The following DFFB variants were observed in gnomAD, a reference collection of about 807,000 sequenced individuals.
The protein encoded by DFFB is DNA fragmentation factor 40 kDa subunit.
Under a neutral mutation model 32.7 loss-of-function variants are expected in DFFB, and 29 were observed. That is an observed-to-expected ratio of 0.89 (90% CI 0.66 to 1.21). The LOEUF is 1.21. Ranked by LOEUF, DFFB falls within the 50% of genes most tolerant of loss-of-function variation. The pLI is 0.00. For synonymous variants in DFFB, 170 were observed against 177.1 expected, an observed-to-expected ratio of 0.96 and a Z score of 0.32; for missense variants, 398 against 440.6, an observed-to-expected ratio of 0.90 and a Z score of 0.87.
chr1:3,880,886 A>T, intron 6 of DFFB, among the ~76,000 whole-genome samples: 1 of 152,074 alleles, frequency 6.6e-6, no homozygotes, highest in Non-Finnish European at 1.5e-5. Flanking sequence ...TTTCCCTGTG[A>T]CTTGGAAGCA....
intron 2 of DFFB, 134 bp downstream of exon 2, chr1:3,858,978 C>G: frequency 7.5e-7 from 1 of 1,341,596 alleles, no homozygotes; most frequent in Non-Finnish European, 1.0e-6. Flanking sequence ...GGAGGAAGCC[C>G]TCTGGAGGCA....
rs749176680 is a variant in DFFB, at chr1:3,857,678, C to T, written c.75C>T (p.Ser25=). 5.0e-6 allele frequency: 8 copies of T among 1,591,558 alleles called. No individual in the cohort carries two copies. The highest frequency in any genetic ancestry group is 3.5e-5 in the Admixed American group (2 of 57,336). ...SPRKFGVAGR[S]CQEVLRKGCL... ...GGAAGTTCGGCGTGGCTGGCCGGAG[C>T]TGCCAGGAGGTGCTGCGCAAGGGCT... is the stretch of plus-strand genomic sequence containing the variant. The change falls in exon 1 of 7, where the codon AGC becomes AGT. Residue 25 remains serine, a synonymous_variant. Coordinates refer to ENST00000378209, the MANE Select transcript of DFFB (RefSeq NM_004402.4).
chr1:3,869,871 T>A, intron 5 of DFFB, 96 bp downstream of exon 5: 1 of 1,310,824 alleles, frequency 7.6e-7, no homozygotes, highest in Non-Finnish European at 1.0e-6. Flanking sequence ...GCCCTTGCCC[T>A]GCCTGGGCAA....
Position 3,865,050 on chromosome 1 carries a change from T to C in DFFB, c.242-762T>C, listed in dbSNP as rs114906102. 0.01 allele frequency among the ~76,000 whole-genome samples: 1,494 copies of C among 149,032 alleles called. 23 individuals are homozygous for C. Among genetic ancestry groups the C allele is most frequent in the African/African-American group, 0.035 (1,406 of 40,470 alleles). On this transcript the variant is annotated intron_variant, in intron 2 of 6. Coordinates refer to ENST00000378209, the MANE Select transcript of DFFB (RefSeq NM_004402.4). This position sits in a 1 kb window ranked among gnomAD's most constrained non-coding sequence, Gnocchi z 4.7. ...ATGTGGTTTGCAAATATTTACCCTG[T>C]GGCTTTTCATTCTCTTAAGAGCATT...
chr1:3,868,641 CA>C (rs1406780252), intron 4 of DFFB, among the ~76,000 whole-genome samples: 3 of 151,800 alleles, frequency 2.0e-5, no homozygotes, highest in South Asian at 2.1e-4. Context: ...CACACCACAC[CA>C]AGCCACACCA....
intron 2 of DFFB, among the ~76,000 whole-genome samples, chr1:3,862,720 GT>G (rs1312067433): frequency 6.6e-6 from 1 of 152,160 alleles, no homozygotes; most frequent in Admixed American, 6.6e-5. Context: ...AAATGTAAAA[GT>G]TAAAAATATA....
chr1:3,865,629 T>A lies in DFFB; in HGVS notation c.242-183T>A. ...CTCCTCTGTCCTCATGCCGCCCTTGTGCGTGGTCCCCAGCTGTTGGTGTCA... is the reference window on the plus strand; with the variant it reads ...CTCCTCTGTCCTCATGCCGCCCTTGAGCGTGGTCCCCAGCTGTTGGTGTCA... On this transcript the variant is annotated intron_variant, in intron 2 of 6. Coordinates refer to ENST00000378209, the MANE Select transcript of DFFB (RefSeq NM_004402.4). The surrounding 1 kb of genome is among the most constrained non-coding windows in gnomAD (Gnocchi z 4.7). 1.2e-6 allele frequency: 1 copy of A among 862,004 alleles called. No homozygotes were observed. The highest frequency in any genetic ancestry group is 1.4e-5 in the South Asian group (1 of 71,678). 53.4% of individuals were successfully genotyped at this position (862,004 alleles called of 1,614,324 possible).
At chr1:3,879,004 G>A (rs1403876625) in intron 6 of DFFB, among the ~76,000 whole-genome samples, 1 of 152,146 alleles carries the variant, frequency 6.6e-6, no homozygotes, top group African/African-American at 2.4e-5. Context: ...CTGAATTCTA[G>A]GATGACAGAT....
intron 3 of DFFB, chr1:3,867,563 T>TC: frequency 5.9e-6 from 1 of 170,288 alleles, no homozygotes; most frequent in Non-Finnish European, 1.3e-5. Flanking sequence ...CTCAAGATGA[T>TC]GCAATCTGGC....
At position 3,857,691 on chromosome 1, in the gene DFFB, C is replaced by T; in HGVS notation, c.88C>T (p.Leu30=). Residue 30 remains leucine (L), a synonymous_variant, in exon 1 of 7, where the codon CTG becomes TTG. Transcript: ENST00000378209. ...GGCTGGCCGGAGCTGCCAGGAGGTG[C>T]TGCGCAAGGGCTGTCTCCGCTTCCA... ...GVAGRSCQEV[L]RKGCLRFQLP... is the part of the protein sequence containing the mutation. 1.3e-6 allele frequency: 2 copies of T among 1,575,438 alleles called. No homozygotes were observed. The highest frequency in any genetic ancestry group is 1.4e-5 in the African/African-American group (1 of 73,554).
In DFFB at chr1:3,883,995, C is replaced by CGGCTCAG. The variant is rs1273053246; in HGVS notation, c.*255_*261dup. The CGGCTCAG allele has an allele frequency of 1.3e-5, 6 of 457,440 alleles. No individual in the cohort carries two copies. The highest frequency in any genetic ancestry group is 2.4e-5 in the Non-Finnish European group (6 of 252,852). 28.3% of individuals were successfully genotyped at this position (457,440 alleles called of 1,614,324 possible). On this transcript the variant is annotated 3_prime_UTR_variant, in exon 7 of 7. Transcript: ENST00000378209. ...AGGCTGGAGTGTAGTGGCGCGATCT[C>CGGCTCAG]GGCTCAGCCTCCCGAGTAGCTGGGA...
chr1:3,868,659 G>GCCACACCACA (rs565199748), intron 4 of DFFB, among the ~76,000 whole-genome samples: 7 of 10,972 alleles, frequency 6.4e-4, no homozygotes, highest in African/African-American at 3.4e-3. Flanking sequence ...ACCACACCAG[G>GCCACACCACA]CCACACCACA....
rs1340570270 is a variant in DFFB at position 3,868,668 on chromosome 1, C to CACCAT, written c.510+619_510+620insTACCA. ...AGCCACACCACACCAGGCCACACCA[C>CACCAT]ACCACACCACGCCACACCACACCAG... On this transcript the variant is annotated intron_variant, in intron 4 of 6. Transcript: ENST00000378209. Among the ~76,000 whole-genome samples, 260 of 150,626 alleles carry CACCAT rather than the reference C, an allele frequency of 1.7e-3. 10 individuals are homozygous for CACCAT. The highest frequency in any genetic ancestry group is 4.1e-3 in the East Asian group (21 of 5,118).
intron 6 of DFFB, 74 bp from the exon 7 acceptor site, chr1:3,883,433 G>A (rs1570952956): frequency 7.4e-7 from 1 of 1,353,778 alleles, no homozygotes; most frequent in Non-Finnish European, 1.0e-6. Context: ...AGCTGTGACT[G>A]CAATACACTG....
intron 2 of DFFB, among the ~76,000 whole-genome samples, chr1:3,864,901 G>T (rs1644946202): frequency 6.6e-6 from 1 of 152,130 alleles, no homozygotes; most frequent in Admixed American, 6.5e-5. Context: ...CCTTGGTGAA[G>T]TGTTTCTTCC....
chr1:3,867,688 A>T (rs1390215135), intron 3 of DFFB: 2 of 350,062 alleles, frequency 5.7e-6, no homozygotes, highest in Non-Finnish European at 1.1e-5. Context: ...CCTCATCTCT[A>T]AAAACATTTA....
At chr1:3,881,114 T>C (rs12029890) in intron 6 of DFFB, among the ~76,000 whole-genome samples, 27,310 of 152,172 alleles carry the variant, frequency 0.18, 2,493 homozygotes, top group African/African-American at 0.21. Flanking sequence ...GGCCTGCTTG[T>C]GTGGGGGACT....
chr1:3,865,554 C>T lies in DFFB; in HGVS notation c.242-258C>T, dbSNP rs142489890. ...GGAGGAGGCCAAATGGGAAAGCGGC[C>T]GTCTCTTGGTGCGCTTTCATCTGTC... On this transcript the variant is annotated intron_variant, in intron 2 of 6. Coordinates refer to ENST00000378209, the MANE Select transcript of DFFB (RefSeq NM_004402.4). This position sits in a 1 kb window ranked among gnomAD's most constrained non-coding sequence, Gnocchi z 4.7. The T allele has an allele frequency of 6.2e-5, 37 of 597,410 alleles. No homozygotes were observed. The highest frequency in any genetic ancestry group is 5.0e-4 in the African/African-American group (27 of 53,896). The allele number at this position is 597,410 out of a possible 1,614,324, so 37.0% of individuals were successfully genotyped here.
Position 3,867,675 on chromosome 1 carries a change from A to G in DFFB, c.431-299A>G, listed in dbSNP as rs957287277. The G allele has an allele frequency of 1.2e-5, 4 of 329,752 alleles. No homozygotes were observed. In the Admixed American group the frequency reaches 1.7e-4, roughly 14 times the overall value. 20.4% of individuals were successfully genotyped at this position (329,752 alleles called of 1,614,324 possible). Reference sequence around the variant, plus strand: ...CAAGATCAGCCTAGGTAACAAAGTGAGACCTCATCTCTAAAAACATTTAAA... The same window carrying G: ...CAAGATCAGCCTAGGTAACAAAGTGGGACCTCATCTCTAAAAACATTTAAA... On this transcript the variant is annotated intron_variant, in intron 3 of 6. Coordinates refer to ENST00000378209, the MANE Select transcript of DFFB (RefSeq NM_004402.4).
Sources: allele counts gnomAD v4.1 joint callset (sites outside exome capture counted in the v4.1 genomes callset), GRCh38; gene constraint gnomAD v4.1.1; non-coding constraint Gnocchi (gnomAD v3.1); transcripts MANE v1.5; gene names NCBI Gene and HGNC (gene_info 2026-07-23, HGNC 2026-07-21).